C1QTNF3: variants seen among roughly 807,000 people sequenced by gnomAD.
C1QTNF3 encodes the protein complement C1q tumor necrosis factor-related protein 3.
In C1QTNF3, 26 loss-of-function variants were observed where a neutral mutation model predicts 32.6. The ratio of observed to expected loss-of-function variants is 0.80; its 90% CI spans 0.58 to 1.11. The LOEUF is 1.11. Among genes scored for constraint, C1QTNF3 ranks in the 50% least tolerant of loss-of-function variants. The pLI, the probability that C1QTNF3 is intolerant of heterozygous loss-of-function variation, is 0.00. For synonymous variants in C1QTNF3, 155 were observed against 146.0 expected (o/e 1.06, Z -0.44); for missense variants, 362 against 398.2 (o/e 0.91, Z 0.77).
At chr5:34,062,429 G>T in the C1QTNF3 span, among the ~76,000 whole-genome samples, 1 of 152,092 alleles carries the variant, frequency 6.6e-6, no homozygotes, top group African/African-American at 2.4e-5. Flanking sequence ...GTCCTTTTGG[G>T]TACAATATAT....
At chr5:34,119,059 A>G in the C1QTNF3 span, among the ~76,000 whole-genome samples, 1 of 152,220 alleles carries the variant, frequency 6.6e-6, no homozygotes, top group Non-Finnish European at 1.5e-5. Context: ...ACACAGCAGA[A>G]AAAGTGTGTT....
chr5:34,024,580 A>C (rs570643340), intron 4 of C1QTNF3, among the ~76,000 whole-genome samples: 11 of 152,332 alleles, frequency 7.2e-5, no homozygotes, highest in African/African-American at 2.4e-4. Context: ...TATGTACAAT[A>C]AACAGAAAGA....
chr5:34,066,539 T>C, the C1QTNF3 span, among the ~76,000 whole-genome samples: 1 of 152,026 alleles, frequency 6.6e-6, no homozygotes, highest in Non-Finnish European at 1.5e-5. Flanking sequence ...TTGAAATAAA[T>C]TGGCACGTTT....
chr5:34,123,756 A>C, the C1QTNF3 span, among the ~76,000 whole-genome samples: 1 of 152,094 alleles, frequency 6.6e-6, no homozygotes, highest in Non-Finnish European at 1.5e-5. Flanking sequence ...AATTTTTTTC[A>C]TACTAAACAC....
At chr5:34,116,287 CT>C in the C1QTNF3 span, among the ~76,000 whole-genome samples, 1 of 151,980 alleles carries the variant, frequency 6.6e-6, no homozygotes, top group Non-Finnish European at 1.5e-5. Context: ...TCCACGTGCA[CT>C]TTAAAAAAGT....
the C1QTNF3 span, among the ~76,000 whole-genome samples, chr5:34,073,880 T>C: frequency 6.6e-6 from 1 of 152,266 alleles, no homozygotes; most frequent in Non-Finnish European, 1.5e-5. Context: ...GGATTTTCCT[T>C]GAAACAAGTG....
At chr5:34,102,035 CA>C in the C1QTNF3 span, among the ~76,000 whole-genome samples, 1 of 147,778 alleles carries the variant, frequency 6.8e-6, no homozygotes, top group South Asian at 2.2e-4. Context: ...TGAACATGGT[CA>C]ATGAGGTCTA....
At chr5:34,177,718 G>C in the C1QTNF3 span, among the ~76,000 whole-genome samples, 12 of 151,382 alleles carry the variant, frequency 7.9e-5, no homozygotes, top group Non-Finnish European at 8.8e-5. Flanking sequence ...TGAACTCTTG[G>C]CCTCGTGATC....
chr5:34,241,058 T>C, the C1QTNF3 span, among the ~76,000 whole-genome samples: 77,404 of 151,668 alleles, frequency 0.51, 22,975 homozygotes, highest in Non-Finnish European at 0.66. Flanking sequence ...AAGCTTTCAA[T>C]TAAATCCAGT....
At chr5:34,159,372 T>G in the C1QTNF3 span, among the ~76,000 whole-genome samples, 1 of 152,044 alleles carries the variant, frequency 6.6e-6, no homozygotes, top group Non-Finnish European at 1.5e-5. Flanking sequence ...TGTCTCTTTT[T>G]TACCAAATTA....
the C1QTNF3 span, among the ~76,000 whole-genome samples, chr5:34,069,648 T>G: frequency 6.6e-6 from 1 of 152,182 alleles, no homozygotes; most frequent in Non-Finnish European, 1.5e-5. Context: ...AATGGATACA[T>G]TACGATGAGA....
the C1QTNF3 span, among the ~76,000 whole-genome samples, chr5:34,062,064 C>T: frequency 6.6e-6 from 1 of 152,196 alleles, no homozygotes; most frequent in Admixed American, 6.5e-5. Context: ...ATTTCTTCTA[C>T]CAGATACCCT....
chr5:34,115,525 T>A, the C1QTNF3 span, among the ~76,000 whole-genome samples: 9 of 152,026 alleles, frequency 5.9e-5, no homozygotes, highest in African/African-American at 2.2e-4. Context: ...GGTCAGGAGA[T>A]CGAGACCATC....
At chr5:34,217,073 G>A in the C1QTNF3 span, among the ~76,000 whole-genome samples, 1 of 152,018 alleles carries the variant, frequency 6.6e-6, no homozygotes, top group African/African-American at 2.4e-5. Context: ...AATAACTCTT[G>A]TGTCCATGTA....
the C1QTNF3 span, among the ~76,000 whole-genome samples, chr5:34,102,865 G>C: frequency 3.3e-5 from 5 of 152,224 alleles, no homozygotes. Flanking sequence ...ATAGCATTAG[G>C]AGATACACCT....
At chr5:34,212,292 C>A in the C1QTNF3 span, among the ~76,000 whole-genome samples, 14 of 152,014 alleles carry the variant, frequency 9.2e-5, no homozygotes, top group Non-Finnish European at 1.3e-4. Context: ...ACCTAAAACC[C>A]TAAAAACCCT....
At chr5:34,243,934 T>C in the C1QTNF3 span, among the ~76,000 whole-genome samples, 1 of 152,092 alleles carries the variant, frequency 6.6e-6, no homozygotes, top group Admixed American at 6.6e-5. Context: ...TGAAAAAAAC[T>C]GAAATTATAA....
At chr5:34,042,579 T>C (rs1377588620) in intron 1 of C1QTNF3, among the ~76,000 whole-genome samples, 1 of 152,098 alleles carries the variant, frequency 6.6e-6, no homozygotes, top group East Asian at 1.9e-4. Flanking sequence ...CCCTTTCTGA[T>C]GGGGTGATGC....
chr5:34,234,028 TA>T, the C1QTNF3 span, among the ~76,000 whole-genome samples: 2 of 152,164 alleles, frequency 1.3e-5, no homozygotes, highest in Non-Finnish European at 2.9e-5. Context: ...AAGTTTGTTC[TA>T]AGAATCAAAT....
Sources: allele counts gnomAD v4.1 joint callset (sites outside exome capture counted in the v4.1 genomes callset), GRCh38; gene constraint gnomAD v4.1.1; transcripts MANE v1.5; gene names NCBI Gene and HGNC (gene_info 2026-07-23, HGNC 2026-07-21).